The following BHMT2 variants were observed in gnomAD, a reference collection of about 807,000 sequenced individuals.
BHMT2 encodes the protein betaine--homocysteine S-methyltransferase 2.
Under a neutral mutation model 39.0 loss-of-function variants are expected in BHMT2, and 28 were observed. The ratio of observed to expected loss-of-function variants is 0.72; its 90% confidence interval spans 0.53 to 0.98. BHMT2 has a LOEUF of 0.98. Ranked by LOEUF, BHMT2 falls within the 50% of genes least tolerant of loss-of-function variation. The pLI is 0.00. For synonymous variants in BHMT2, 145 were observed against 160.6 expected (o/e 0.90, Z 0.74); for missense variants, 410 against 455.6 (o/e 0.90, Z 0.91).
At chr5:79,077,356 C>A in intron 1 of BHMT2, 124 bp from the exon 2 acceptor site, 1 of 1,264,182 alleles carries the variant, frequency 7.9e-7, no homozygotes, top group Non-Finnish European at 1.1e-6. Context: ...ATTATTAGAG[C>A]ACATGATTTT....
chr5:79,079,662 G>A lies in BHMT2; in HGVS notation c.258+202G>A, dbSNP rs113960078. Reference sequence around the variant, plus strand: ...TGTAATCCCAGCACTCTGAGAGGCCGAGGTGGACAGACCACTTGAGCCCAG... The same window carrying A: ...TGTAATCCCAGCACTCTGAGAGGCCAAGGTGGACAGACCACTTGAGCCCAG... On this transcript the variant is annotated intron_variant, in intron 3 of 7. Transcript: ENST00000255192. Among the ~76,000 whole-genome samples the A allele has an allele frequency of 3.0e-3, 464 of 152,310 alleles. 1 individual carries two copies. The highest frequency in any genetic ancestry group is 0.011 in the African/African-American group (444 of 41,566).
At chr5:79,086,677 A>G (rs1755902121) in intron 7 of BHMT2, among the ~76,000 whole-genome samples, 1 of 152,068 alleles carries the variant, frequency 6.6e-6, no homozygotes, top group African/African-American at 2.4e-5. Flanking sequence ...ATTCCCGTGG[A>G]TATATTGTCC....
chr5:79,084,361 CT>C (rs1419297261), intron 7 of BHMT2, among the ~76,000 whole-genome samples: 1 of 152,162 alleles, frequency 6.6e-6, no homozygotes, highest in Non-Finnish European at 1.5e-5. Context: ...ACTGCAACCT[CT>C]GCCCCCCAGG....
intron 1 of BHMT2, among the ~76,000 whole-genome samples, chr5:79,071,845 A>AAAAAAAT (rs1554039290): frequency 7.6e-5 from 11 of 144,466 alleles, no homozygotes; most frequent in African/African-American, 1.3e-4. Flanking sequence ...AAAAAAAAAA[A>AAAAAAAT]CTAAAGAAGG....
intron 7 of BHMT2, 124 bp downstream of exon 7, chr5:79,083,980 T>A: frequency 2.2e-6 from 3 of 1,374,130 alleles, no homozygotes; most frequent in Non-Finnish European, 1.9e-6. Context: ...GTAAAAATTA[T>A]CCCCTTCCTG....
At chr5:79,088,100 A>C (rs115465442) in intron 7 of BHMT2, among the ~76,000 whole-genome samples, 1 of 152,178 alleles carries the variant, frequency 6.6e-6, no homozygotes, top group Non-Finnish European at 1.5e-5. Context: ...GGATTGCTTG[A>C]ATCCAGGAGG....
rs1156585084 is a variant in BHMT2 at position 79,083,990 on chromosome 5, G to A, written c.1010+134G>A. ...GAAAAGTAAAAATTATCCCCTTCCTGATACCAGCTCCATTCCCAAAATTGT... is the reference window on the plus strand; with the variant it reads ...GAAAAGTAAAAATTATCCCCTTCCTAATACCAGCTCCATTCCCAAAATTGT... On this transcript the variant is annotated intron_variant, in intron 7 of 7. Transcript: ENST00000255192. The A allele has an allele frequency of 6.1e-6, 8 of 1,312,364 alleles. No individual in the cohort carries two copies. In the Admixed American group the frequency reaches 1.1e-4, roughly 17 times the overall value. 81.3% of individuals were successfully genotyped at this position (1,312,364 alleles called of 1,614,324 possible).
chr5:79,086,680 T>C (rs994422975), intron 7 of BHMT2, among the ~76,000 whole-genome samples: 8 of 152,142 alleles, frequency 5.3e-5, no homozygotes, highest in African/African-American at 1.4e-4. Context: ...CCCGTGGATA[T>C]ATTGTCCAAA....
chr5:79,076,471 T>G (rs1755675083), intron 1 of BHMT2, among the ~76,000 whole-genome samples: 1 of 152,178 alleles, frequency 6.6e-6, no homozygotes, highest in Non-Finnish European at 1.5e-5. Flanking sequence ...GCCTGAGGCC[T>G]TTCTGTATCA....
intron 1 of BHMT2, among the ~76,000 whole-genome samples, chr5:79,073,722 A>G (rs1303722540): frequency 6.6e-6 from 1 of 152,224 alleles, no homozygotes; most frequent in Non-Finnish European, 1.5e-5. Context: ...CTCTCTGCCA[A>G]AATAGTGTTT....
chr5:79,080,262 GAGTA>G (rs1259418618), intron 3 of BHMT2, among the ~76,000 whole-genome samples: 2 of 152,348 alleles, frequency 1.3e-5, no homozygotes, highest in African/African-American at 2.4e-5. Context: ...CTGTTGAGAA[GAGTA>G]AGTAAGACCA....
intron 1 of BHMT2, among the ~76,000 whole-genome samples, chr5:79,074,558 T>C (rs1755637263): frequency 6.6e-6 from 1 of 152,230 alleles, no homozygotes; most frequent in South Asian, 2.1e-4. Flanking sequence ...AAGAAAATAG[T>C]ATATCAAGCA....
intron 1 of BHMT2, among the ~76,000 whole-genome samples, chr5:79,071,679 G>A (rs1755581401): frequency 6.6e-6 from 1 of 151,992 alleles, no homozygotes; most frequent in Admixed American, 6.5e-5. Context: ...GTGGAAGGAG[G>A]GAGAGGATCA....
chr5:79,082,788 A>G, intron 4 of BHMT2, 21 bp from the exon 5 acceptor site: 1 of 1,612,312 alleles, frequency 6.2e-7, no homozygotes. Flanking sequence ...GGACCAGTAG[A>G]AAAAGTGACA....
At chr5:79,072,112 A>G (rs1028066371) in intron 1 of BHMT2, among the ~76,000 whole-genome samples, 1 of 152,118 alleles carries the variant, frequency 6.6e-6, no homozygotes, top group Non-Finnish European at 1.5e-5. Flanking sequence ...ACTAAAAAAT[A>G]CAAAATTAGC....
chr5:79,077,873 G>C lies in BHMT2; in HGVS notation c.166+261G>C, dbSNP rs1755704347. The C allele has an allele frequency of 4.6e-5, 13 of 281,790 alleles. No individual in the cohort carries two copies. The South Asian group carries it at 9.0e-4, about 20-fold the overall frequency. 17.5% of individuals were successfully genotyped at this position (281,790 alleles called of 1,614,324 possible). On this transcript the variant is annotated intron_variant, in intron 2 of 7. Coordinates refer to ENST00000255192, the MANE Select transcript of BHMT2 (RefSeq NM_017614.5). ...CACACTCCCACACACACACATCCAT[G>C]CACTCACACCCCAACCCCACATCCA...
intron 7 of BHMT2, 47 bp downstream of exon 7, chr5:79,083,903 T>C: frequency 6.5e-7 from 1 of 1,550,118 alleles, no homozygotes; most frequent in Non-Finnish European, 8.7e-7. Context: ...TTTAATCTCA[T>C]TTTATTTATT....
At chr5:79,076,862 C>T (rs572154011) in intron 1 of BHMT2, among the ~76,000 whole-genome samples, 1 of 152,344 alleles carries the variant, frequency 6.6e-6, no homozygotes, top group South Asian at 2.1e-4. Context: ...CCCATGGCTG[C>T]CGCAGCCACC....
At chr5:79,082,731 C>G (rs1357652067) in intron 4 of BHMT2, 78 bp from the exon 5 acceptor site, 5 of 1,503,966 alleles carry the variant, frequency 3.3e-6, no homozygotes, top group Non-Finnish European at 4.5e-6. Flanking sequence ...ATTTTTATAA[C>G]TGTTTTGCTA....
Sources: gnomAD v4.1 joint callset for allele counts (sites outside exome capture counted in the v4.1 genomes callset) on GRCh38, gnomAD v4.1.1 for gene constraint, MANE v1.5 for transcripts, NCBI Gene and HGNC (gene_info 2026-07-23, HGNC 2026-07-21) for gene names.